Variants in CDH11 observed in about 807,000 individuals in gnomAD.
CDH11 encodes the protein cadherin-11.
In CDH11, 11 loss-of-function variants were observed where a neutral mutation model predicts 67.8. That is an observed-to-expected ratio of 0.16 (90% confidence interval 0.10 to 0.27). The LOEUF (loss-of-function observed/expected upper bound fraction) is 0.27. CDH11 is among the 10% of genes least tolerant of loss of function. The pLI, the probability that CDH11 is intolerant of heterozygous loss-of-function variation, is 1.00. For missense variants in CDH11, 847 were observed against 1,031.2 expected (o/e 0.82, Z 2.45); for synonymous variants, 419 against 400.0 (o/e 1.05, Z -0.57).
rs1000799343 is a variant in CDH11 at position 64,945,957 on chromosome 16, T to C, written c.*1646A>G. 11 of 1,058,122 alleles carry C rather than the reference T, an allele frequency of 1.0e-5. No individual in the cohort carries two copies. Among genetic ancestry groups the C allele is most frequent in the Non-Finnish European group, 1.3e-5 (11 of 874,854 alleles). 65.5% of individuals were successfully genotyped at this position (1,058,122 alleles called of 1,614,324 possible). A position where few individuals can be genotyped will look rare whatever the true frequency, so the allele number is the denominator to read the frequency against. ...CTTTATGTGGTCTTTCCCCAAGTAT[T>C]GCTACGTTTTGACCTTTGGCCCAAC... On this transcript the variant is annotated 3_prime_UTR_variant, in exon 13 of 13. Transcript: ENST00000268603.
intron 12 of CDH11, 88 bp downstream of exon 12, chr16:64,950,679 T>C (rs988919766): frequency 6.7e-7 from 1 of 1,493,454 alleles, no homozygotes; most frequent in African/African-American, 1.4e-5. Context: ...GGGTCCTGGT[T>C]ACCAGCCTGT....
chr16:65,057,810 A>C (rs2074171641), intron 1 of CDH11, among the ~76,000 whole-genome samples: 1 of 152,228 alleles, frequency 6.6e-6, no homozygotes, highest in African/African-American at 2.4e-5. Flanking sequence ...GAAGTAGCAT[A>C]ACTGGGCTGG....
At chr16:65,065,129 G>C (rs2142751289) in intron 1 of CDH11, among the ~76,000 whole-genome samples, 1 of 152,270 alleles carries the variant, frequency 6.6e-6, no homozygotes, top group Admixed American at 6.5e-5. Flanking sequence ...TACAGGGAGA[G>C]ACAAATGCCA....
At chr16:64,993,133 A>T in intron 4 of CDH11, 99 bp from the exon 5 acceptor site, 1 of 972,452 alleles carries the variant, frequency 1.0e-6, no homozygotes, top group Non-Finnish European at 1.6e-6. Context: ...TGAAGAAGGC[A>T]CCACAATTAT....
intron 1 of CDH11, among the ~76,000 whole-genome samples, 174 bp from the exon 2 acceptor site, chr16:65,054,102 G>T (rs558068638): frequency 6.6e-6 from 1 of 152,262 alleles, no homozygotes; most frequent in South Asian, 2.1e-4. Context: ...GGAAAAACTT[G>T]TCATGGATTT....
chr16:65,104,982 T>C (rs1432150499), intron 1 of CDH11, among the ~76,000 whole-genome samples: 3 of 152,214 alleles, frequency 2.0e-5, no homozygotes, highest in African/African-American at 4.8e-5. Flanking sequence ...AAAAGAATTC[T>C]GGCCTCACAG....
At chr16:64,948,201 C>T in intron 12 of CDH11, 102 bp from the exon 13 acceptor site, 4 of 1,424,156 alleles carry the variant, frequency 2.8e-6, no homozygotes, top group Non-Finnish European at 3.8e-6. Flanking sequence ...GGTATAAATG[C>T]TCAGAACAGG....
Position 64,944,341 on chromosome 16 carries a change from T to A in CDH11, c.*3262A>T, listed in dbSNP as rs1032889555. On this transcript the variant is annotated 3_prime_UTR_variant, in exon 13 of 13. Transcript: ENST00000268603. ...ATGGCAGTGCAAGAGCAGAGAAGTC[T>A]TTCCTCTTCTCCATCTCCAAATTAC... 8.6e-6 allele frequency: 2 copies of A among 232,576 alleles called. No homozygotes were observed. The highest frequency in any genetic ancestry group is 1.7e-5 in the Non-Finnish European group (2 of 117,738). 14.4% of individuals were successfully genotyped at this position (232,576 alleles called of 1,614,324 possible). A position where few individuals can be genotyped will look rare whatever the true frequency, so the allele number is the denominator to read the frequency against.
chr16:65,101,839 C>T (rs971247036), intron 1 of CDH11, among the ~76,000 whole-genome samples: 1 of 152,162 alleles, frequency 6.6e-6, no homozygotes, highest in Non-Finnish European at 1.5e-5. Flanking sequence ...CTTGTCAACC[C>T]TTATATCCAC....
chr16:65,073,620 T>G (rs893439042), intron 1 of CDH11, among the ~76,000 whole-genome samples: 2 of 152,102 alleles, frequency 1.3e-5, no homozygotes, highest in African/African-American at 4.8e-5. Context: ...GATTACTGCT[T>G]TTTTGGGTAC....
In CDH11 at chr16:64,988,189, C is replaced by T. The variant is rs370380956; in HGVS notation, c.967G>A (p.Glu323Lys). ...MESFEITTDY[E>K]TQEGVIKLKK... Reference sequence around the variant, plus strand: ...AGCTTTATCACCCCCTCCTGTGTTTCATAGTCCGTTGTGATTTCAAACGAT... The same window carrying T: ...AGCTTTATCACCCCCTCCTGTGTTTTATAGTCCGTTGTGATTTCAAACGAT... Residue 323 changes from glutamate to lysine, a missense_variant, in exon 7 of 13, where the codon GAA (glutamate) becomes AAA (lysine). By Grantham distance (56) the Glu-to-Lys change is moderately conservative. Coordinates refer to ENST00000268603, the MANE Select transcript of CDH11 (RefSeq NM_001797.4). 4.3e-6 allele frequency: 7 copies of T among 1,611,962 alleles called. No individual in the cohort carries two copies. The highest frequency in any genetic ancestry group is 5.9e-6 in the Non-Finnish European group (7 of 1,179,056).
intron 1 of CDH11, among the ~76,000 whole-genome samples, chr16:65,094,347 G>A (rs963353667): frequency 6.6e-6 from 1 of 152,048 alleles, no homozygotes; most frequent in Non-Finnish European, 1.5e-5. Flanking sequence ...CTTGATACTT[G>A]ATGTCAGTAG....
Position 64,950,984 on chromosome 16 carries a change from C to A in CDH11, c.1677G>T (p.Gly559=). 6.2e-7 allele frequency: 1 copy of A among 1,614,092 alleles called. No individual in the cohort carries two copies. Among genetic ancestry groups the A allele is most frequent in the Non-Finnish European group, 8.5e-7 (1 of 1,180,036 alleles). Residue 559 remains glycine, a synonymous_variant, in exon 12 of 13, where the codon GGG becomes GGT. Coordinates refer to ENST00000268603, the MANE Select transcript of CDH11 (RefSeq NM_001797.4). The part of the protein sequence containing the change: ...NTAGVYARRG[G]FSRQKQDLYL... ...ACAAGTCCTGCTTCTGCCGACTGAA[C>A]CCTCCACGCCGGGCGTACACGCCTG... is the stretch of plus-strand genomic sequence containing the variant.
At chr16:65,019,504 C>G (rs917778507) in intron 2 of CDH11, among the ~76,000 whole-genome samples, 2 of 152,080 alleles carry the variant, frequency 1.3e-5, no homozygotes, top group Non-Finnish European at 2.9e-5. Context: ...AGACAGAAAG[C>G]CAAATTTCAC....
chr16:65,012,157 C>G (rs2073196547), intron 2 of CDH11, among the ~76,000 whole-genome samples: 1 of 152,192 alleles, frequency 6.6e-6, no homozygotes, highest in Admixed American at 6.5e-5. Context: ...GAATCAATGA[C>G]TACACTTCTA....
Position 65,083,270 on chromosome 16 carries a change from A to G in CDH11, c.-297-29342T>C, listed in dbSNP as rs189723605. 3.3e-5 allele frequency among the ~76,000 whole-genome samples: 5 copies of G among 152,280 alleles called. No individual in the cohort carries two copies. In the East Asian group the frequency reaches 9.7e-4, roughly 29 times the overall value. ...CCAGGTATCAGGCTGCCTGGTTCCA[A>G]TCTATGCAGTGGGGATGCAAAGAAG... On this transcript the variant is annotated intron_variant, in intron 1 of 12. Transcript: ENST00000268603.
chr16:65,043,550 G>T (rs2073903588), intron 2 of CDH11, among the ~76,000 whole-genome samples: 1 of 152,180 alleles, frequency 6.6e-6, no homozygotes, highest in African/African-American at 2.4e-5. Context: ...GCCCTCCAAT[G>T]TGAGCTGCCC....
Position 65,007,377 on chromosome 16 carries a change from T to C in CDH11, c.-172-2336A>G, listed in dbSNP as rs543362819. On this transcript the variant is annotated intron_variant, in intron 2 of 12. Coordinates refer to ENST00000268603, the MANE Select transcript of CDH11 (RefSeq NM_001797.4). ...GGTTGTAAACAGACACTTTGGGATA[T>C]GTAAAAGGCTACGTGGGAGAGAGAG... Among the ~76,000 whole-genome samples, 24 of 152,300 alleles carry C rather than the reference T, an allele frequency of 1.6e-4. No individual in the cohort carries two copies. The South Asian group carries it at 3.1e-3, about 20-fold the overall frequency.
intron 11 of CDH11, among the ~76,000 whole-genome samples, chr16:64,953,320 T>G (rs2071416082): frequency 6.6e-6 from 1 of 151,302 alleles, no homozygotes; most frequent in Non-Finnish European, 1.5e-5. Flanking sequence ...ATATGGCAGA[T>G]TCAGTCTTAT....
Sources: gnomAD v4.1 joint callset for allele counts (sites outside exome capture counted in the v4.1 genomes callset) on GRCh38, gnomAD v4.1.1 for gene constraint, MANE v1.5 for transcripts, NCBI Gene and HGNC (gene_info 2026-07-23, HGNC 2026-07-21) for gene names.